PCDH15: variants seen among roughly 807,000 people sequenced by gnomAD.
PCDH15 encodes the protein protocadherin related 15, also known as protocadherin-15.
In PCDH15, 129 loss-of-function variants were observed where a neutral mutation model predicts 178.5. That is an observed-to-expected ratio of 0.72 (90% confidence interval 0.63 to 0.84). PCDH15 has a LOEUF of 0.84. Ranked by LOEUF, PCDH15 falls within the 40% of genes least tolerant of loss-of-function variation. The pLI, the probability that PCDH15 is intolerant of heterozygous loss-of-function variation, is 0.00. For missense variants in PCDH15, 2,230 were observed against 2,099.9 expected (o/e 1.06, Z -1.21); for synonymous variants, 800 against 732.0 (o/e 1.09, Z -1.50).
At chr10:55,581,873 G>A (rs574919046) in intron 2 of PCDH15, among the ~76,000 whole-genome samples, 229 of 152,120 alleles carry the variant, frequency 1.5e-3, no homozygotes, top group African/African-American at 5.4e-3. Context: ...ATGGGGAACC[G>A]ATTCTTGCTC....
chr10:55,384,328 A>G (rs1837604297), intron 2 of PCDH15, among the ~76,000 whole-genome samples: 3 of 152,194 alleles, frequency 2.0e-5, no homozygotes, highest in Admixed American at 6.5e-5. Context: ...TTGGTAAATC[A>G]ATGTTTATAT....
intron 2 of PCDH15, chr10:55,468,219 TAGAAAGTTG>T (rs1839880522): frequency 1.3e-5 from 2 of 152,116 alleles, no homozygotes; most frequent in Non-Finnish European, 2.9e-5. Context: ...AAATCATTCC[TAGAAAGTTG>T]CCCAACTTTT....
intron 1 of PCDH15, among the ~76,000 whole-genome samples, chr10:55,201,870 C>CT (rs372646832): frequency 6.6e-6 from 1 of 152,054 alleles, no homozygotes; most frequent in Non-Finnish European, 1.5e-5. Context: ...TTACAATGTG[C>CT]TTTTTTAAAA....
intron 2 of PCDH15, among the ~76,000 whole-genome samples, chr10:55,089,007 C>T (rs944284042): frequency 3.3e-5 from 5 of 151,848 alleles, no homozygotes; most frequent in African/African-American, 7.3e-5. Flanking sequence ...ACTGATAATT[C>T]TTGTTTTAAA....
chr10:54,503,906 C>T (rs1157327536), intron 3 of PCDH15, among the ~76,000 whole-genome samples: 2 of 152,082 alleles, frequency 1.3e-5, no homozygotes, highest in Non-Finnish European at 1.5e-5. Flanking sequence ...ATCCCAACAA[C>T]TTGTTCCCCT....
chr10:53,951,829 AG>A (rs2087084585), intron 23 of PCDH15, among the ~76,000 whole-genome samples: 1 of 152,124 alleles, frequency 6.6e-6, no homozygotes, highest in Admixed American at 6.5e-5. Context: ...AGGGTGAGCC[AG>A]GTGCAGAGCA....
intron 3 of PCDH15, among the ~76,000 whole-genome samples, chr10:54,399,380 A>T (rs760289725): frequency 6.6e-6 from 1 of 152,078 alleles, no homozygotes; most frequent in African/African-American, 2.4e-5. Context: ...TTACAGTGTG[A>T]TAATTGCAAG....
In PCDH15 at chr10:54,541,197, C is replaced by T. The variant is rs920367562; in HGVS notation, c.92-13320G>A. On this transcript the variant is annotated intron_variant, in intron 2 of 37. Coordinates refer to ENST00000644397, the MANE Select transcript of PCDH15 (RefSeq NM_001384140.1). ...AGGCAAGAGAAAGAAAGAAAATGTA[C>T]CCAAACACGAAACTAAAGAAGTCAA... Among the ~76,000 whole-genome samples, 6 of 151,958 alleles carry T rather than the reference C, an allele frequency of 3.9e-5. No homozygotes were observed. The East Asian group carries it at 5.8e-4, about 15-fold the overall frequency.
At chr10:54,278,311 G>C (rs549220163) in intron 8 of PCDH15, among the ~76,000 whole-genome samples, 1 of 151,510 alleles carries the variant, frequency 6.6e-6, no homozygotes, top group Non-Finnish European at 1.5e-5. Flanking sequence ...ACAATTTTTA[G>C]TAATTGCCTA....
intron 1 of PCDH15, among the ~76,000 whole-genome samples, chr10:55,233,827 G>A (rs547483471): frequency 6.6e-6 from 1 of 152,122 alleles, no homozygotes; most frequent in East Asian, 1.9e-4. Flanking sequence ...ATATACTATA[G>A]TGCTTTGTTT....
At chr10:54,074,068 T>G (rs961246091) in intron 17 of PCDH15, among the ~76,000 whole-genome samples, 1 of 152,144 alleles carries the variant, frequency 6.6e-6, no homozygotes, top group Non-Finnish European at 1.5e-5. Flanking sequence ...ACGTCTAGAG[T>G]TGCAGAAGAT....
At chr10:54,155,727 G>T (rs562405734) in intron 13 of PCDH15, among the ~76,000 whole-genome samples, 1 of 150,074 alleles carries the variant, frequency 6.7e-6, no homozygotes, top group Non-Finnish European at 1.5e-5. Flanking sequence ...AACCTGAGAG[G>T]CAGAGGTTGC....
chr10:55,439,125 G>A (rs999495528), intron 2 of PCDH15, among the ~76,000 whole-genome samples: 4 of 151,840 alleles, frequency 2.6e-5, no homozygotes, highest in African/African-American at 4.8e-5. Flanking sequence ...AGATGGTCTC[G>A]ATCTCCTGAC....
At chr10:55,222,011 C>T (rs1415113188) in intron 1 of PCDH15, among the ~76,000 whole-genome samples, 1 of 150,760 alleles carries the variant, frequency 6.6e-6, no homozygotes, top group East Asian at 1.9e-4. Context: ...GGACTACAGG[C>T]ACCCGCCACC....
At chr10:53,930,457 C>CAAA (rs60673116) in intron 25 of PCDH15, among the ~76,000 whole-genome samples, 13 of 50,330 alleles carry the variant, frequency 2.6e-4, no homozygotes, top group African/African-American at 6.5e-4. Flanking sequence ...GACTCCCTCT[C>CAAA]AAAAAAAAAA....
intron 2 of PCDH15, among the ~76,000 whole-genome samples, chr10:55,535,503 G>T (rs1841557110): frequency 6.6e-6 from 1 of 151,976 alleles, no homozygotes; most frequent in African/African-American, 2.4e-5. Flanking sequence ...CAATGTACAA[G>T]ACAATATTAA....
intron 21 of PCDH15, among the ~76,000 whole-genome samples, chr10:53,992,144 G>A (rs949824995): frequency 5.3e-5 from 8 of 152,186 alleles, no homozygotes; most frequent in Admixed American, 2.0e-4. Context: ...CTGGACGGGA[G>A]GAAGGAACAA....
chr10:54,693,642 T>G (rs1348535332), intron 1 of PCDH15, among the ~76,000 whole-genome samples: 1 of 152,172 alleles, frequency 6.6e-6, no homozygotes, highest in East Asian at 1.9e-4. Flanking sequence ...ATATTTGTAT[T>G]TTTCTATCAC....
At chr10:55,569,619 T>A (rs571936892) in intron 2 of PCDH15, among the ~76,000 whole-genome samples, 1 of 151,888 alleles carries the variant, frequency 6.6e-6, no homozygotes, top group African/African-American at 2.4e-5. Flanking sequence ...TGAAACATCA[T>A]GATGAGAATA....
Sources: gnomAD v4.1 joint callset for allele counts (sites outside exome capture counted in the v4.1 genomes callset) on GRCh38, gnomAD v4.1.1 for gene constraint, MANE v1.5 for transcripts, NCBI Gene and HGNC (gene_info 2026-07-23, HGNC 2026-07-21) for gene names.